PCDH9: variants seen among roughly 807,000 people sequenced by gnomAD.
PCDH9 encodes protocadherin 9.
A neutral mutation model predicts 70.6 loss-of-function variants in PCDH9; 24 were observed. That is an observed-to-expected ratio of 0.34 (90% confidence interval 0.25 to 0.48). The LOEUF is 0.48. PCDH9 is among the 20% of genes least tolerant of loss of function. The probability of loss-of-function intolerance (pLI) is 0.99; values close to 1 mark genes in which losing one functional copy is unlikely to be tolerated. For synonymous variants in PCDH9, 562 were observed against 558.5 expected (o/e 1.01, Z -0.09); for missense variants, 1,281 against 1,503.6 (o/e 0.85, Z 2.45).
intron 4 of PCDH9, among the ~76,000 whole-genome samples, chr13:66,450,742 A>G (rs759298920): frequency 6.6e-5 from 10 of 152,166 alleles, no homozygotes; most frequent in Non-Finnish European, 1.2e-4. Flanking sequence ...CAGGCCGGGC[A>G]CGGTGGCTCA....
chr13:66,887,128 A>G (rs1415920510), intron 3 of PCDH9, among the ~76,000 whole-genome samples: 2 of 150,342 alleles, frequency 1.3e-5, no homozygotes, highest in South Asian at 4.2e-4. Context: ...TCTTCTAGCA[A>G]TGCCTTTTTT....
intron 4 of PCDH9, among the ~76,000 whole-genome samples, chr13:66,431,844 T>TA (rs2138377340): frequency 1.3e-5 from 2 of 152,154 alleles, no homozygotes; most frequent in East Asian, 3.9e-4. Flanking sequence ...TTAGGGTTTT[T>TA]ATCTCATCAT....
intron 3 of PCDH9, among the ~76,000 whole-genome samples, chr13:66,897,340 G>T (rs1424119968): frequency 1.3e-5 from 2 of 151,994 alleles, no homozygotes; most frequent in Non-Finnish European, 2.9e-5. Context: ...AAAAAGAGAG[G>T]TTGGATAACT....
intron 2 of PCDH9, among the ~76,000 whole-genome samples, chr13:67,157,973 C>G (rs1422851004): frequency 6.6e-6 from 1 of 152,154 alleles, no homozygotes; most frequent in Non-Finnish European, 1.5e-5. Context: ...CATAAAGCAT[C>G]TGTGGTGAGT....
intron 4 of PCDH9, among the ~76,000 whole-genome samples, chr13:66,498,860 C>T (rs780972166): frequency 2.0e-5 from 3 of 151,464 alleles, no homozygotes; most frequent in Non-Finnish European, 4.4e-5. Flanking sequence ...AGTTCATTGG[C>T]AGCTATACCA....
intron 3 of PCDH9, among the ~76,000 whole-genome samples, chr13:66,818,912 T>C (rs1594100849): frequency 6.7e-6 from 1 of 148,836 alleles, no homozygotes; most frequent in Non-Finnish European, 1.5e-5. Context: ...CCAGCCTGGG[T>C]GAAAGAGCTA....
chr13:67,137,284 G>A (rs1027717284), intron 2 of PCDH9, among the ~76,000 whole-genome samples: 1 of 152,026 alleles, frequency 6.6e-6, no homozygotes, highest in African/African-American at 2.4e-5. Flanking sequence ...TCATATTCAG[G>A]TAGTAATATA....
chr13:67,057,474 CT>C, intron 2 of PCDH9, among the ~76,000 whole-genome samples: 3 of 151,816 alleles, frequency 2.0e-5, no homozygotes, highest in Non-Finnish European at 4.4e-5. Flanking sequence ...TATATGGCAA[CT>C]TTTTTCCTGG....
chr13:66,712,235 C>T (rs933225572), intron 3 of PCDH9, among the ~76,000 whole-genome samples: 1 of 152,008 alleles, frequency 6.6e-6, no homozygotes, highest in African/African-American at 2.4e-5. Flanking sequence ...GTATCATGCA[C>T]ATAGTTAAAT....
intron 3 of PCDH9, among the ~76,000 whole-genome samples, chr13:66,638,010 T>C (rs2077661740): frequency 6.6e-6 from 1 of 152,192 alleles, no homozygotes; most frequent in Non-Finnish European, 1.5e-5. Flanking sequence ...TAGGTTTCAA[T>C]GAGAGAACCA....
chr13:66,771,040 G>A (rs558627343), intron 3 of PCDH9, among the ~76,000 whole-genome samples: 27 of 152,202 alleles, frequency 1.8e-4, no homozygotes, highest in Admixed American at 1.6e-3. Context: ...GTTCCACTAT[G>A]TCTTCACAGC....
At chr13:66,396,799 A>G (rs1957109601) in intron 4 of PCDH9, among the ~76,000 whole-genome samples, 2 of 152,228 alleles carry the variant, frequency 1.3e-5, no homozygotes, top group South Asian at 2.1e-4. Context: ...GGCTTGGGAC[A>G]TAAAAGCTTT....
At chr13:66,803,888 T>C (rs937608771) in intron 3 of PCDH9, among the ~76,000 whole-genome samples, 4 of 152,298 alleles carry the variant, frequency 2.6e-5, no homozygotes, top group Middle Eastern at 3.4e-3. Flanking sequence ...GCTTTCCAAC[T>C]GACTGAGACA....
At chr13:66,521,444 A>C (rs17081418) in intron 4 of PCDH9, among the ~76,000 whole-genome samples, 1,916 of 152,250 alleles carry the variant, frequency 0.013, 34 homozygotes, top group African/African-American at 0.043. Context: ...ATGGAATAAG[A>C]AAACCGCTTT....
intron 2 of PCDH9, among the ~76,000 whole-genome samples, chr13:66,929,525 T>C (rs2082772069): frequency 6.6e-6 from 1 of 152,100 alleles, no homozygotes; most frequent in Admixed American, 6.6e-5. Flanking sequence ...GGTTTCACCA[T>C]GTAGGTCAGG....
chr13:66,910,481 C>A (rs1321121254), intron 2 of PCDH9, among the ~76,000 whole-genome samples: 1 of 152,020 alleles, frequency 6.6e-6, no homozygotes, highest in Non-Finnish European at 1.5e-5. Context: ...ATAAATGGAA[C>A]CAGTACGTTC....
At chr13:66,519,109 C>G (rs893364904) in intron 4 of PCDH9, among the ~76,000 whole-genome samples, 1 of 152,144 alleles carries the variant, frequency 6.6e-6, no homozygotes, top group African/African-American at 2.4e-5. Flanking sequence ...GGAAAGTTAA[C>G]TGAACACATG....
intron 2 of PCDH9, among the ~76,000 whole-genome samples, chr13:67,037,678 T>C (rs1333701318): frequency 6.6e-6 from 1 of 152,204 alleles, no homozygotes; most frequent in Non-Finnish European, 1.5e-5. Flanking sequence ...GTGAGAACTG[T>C]AGTGTGGCTT....
chr13:66,938,664 C>T (rs898112155), intron 2 of PCDH9, among the ~76,000 whole-genome samples: 1 of 152,152 alleles, frequency 6.6e-6, no homozygotes, highest in Non-Finnish European at 1.5e-5. Flanking sequence ...TTATTTCCTT[C>T]TTAGTTCTCA....
Sources: allele counts gnomAD v4.1 joint callset (sites outside exome capture counted in the v4.1 genomes callset), GRCh38; gene constraint gnomAD v4.1.1; transcripts MANE v1.5; gene names NCBI Gene and HGNC (gene_info 2026-07-23, HGNC 2026-07-21).